The following KMT5B variants were observed in gnomAD, a reference collection of about 807,000 sequenced individuals.
The protein encoded by KMT5B is lysine methyltransferase 5B, also known as histone-lysine N-methyltransferase KMT5B.
A neutral mutation model predicts 83.2 loss-of-function variants in KMT5B; 10 were observed. The observed-to-expected ratio is 0.12, with a 90% CI of 0.07 to 0.20. The LOEUF is 0.20. Among genes scored for constraint, KMT5B ranks in the 10% least tolerant of loss-of-function variants. The pLI, the probability that KMT5B is intolerant of heterozygous loss-of-function variation, is 1.00. For synonymous variants in KMT5B, 349 were observed against 388.8 expected, an observed-to-expected ratio of 0.90 and a Z score of 1.20; for missense variants, 753 against 1,067.2, an observed-to-expected ratio of 0.71 and a Z score of 4.10.
chr11:68,211,738 G>A (rs1164959068), intron 1 of KMT5B, among the ~76,000 whole-genome samples: 1 of 152,222 alleles, frequency 6.6e-6, no homozygotes, highest in Non-Finnish European at 1.5e-5. Flanking sequence ...GAGAAAAGGG[G>A]TGGAGGAATG....
intron 1 of KMT5B, among the ~76,000 whole-genome samples, chr11:68,210,248 G>GT (rs1035880380): frequency 1.3e-5 from 2 of 150,914 alleles, no homozygotes; most frequent in Non-Finnish European, 3.0e-5. Context: ...TCAAGCTTTG[G>GT]GGGGGGGGAC....
chr11:68,211,762 G>A (rs1449963167), intron 1 of KMT5B, among the ~76,000 whole-genome samples: 2 of 152,174 alleles, frequency 1.3e-5, no homozygotes, highest in Non-Finnish European at 2.9e-5. Context: ...GGCAGGGCAC[G>A]GCCGACAGGG....
At chr11:68,179,807 A>G in intron 4 of KMT5B, 1 of 421,796 alleles carries the variant, frequency 2.4e-6, no homozygotes, top group Non-Finnish European at 3.9e-6. Flanking sequence ...GGAGTCGCAG[A>G]TCAGCTCTTC....
intron 1 of KMT5B, among the ~76,000 whole-genome samples, chr11:68,197,194 C>T (rs959108453): frequency 2.0e-5 from 3 of 152,072 alleles, no homozygotes; most frequent in African/African-American, 4.8e-5. Flanking sequence ...AGGATAGTCT[C>T]GATCTCCTGA....
At position 68,157,837 on chromosome 11, in the gene KMT5B, C is replaced by T; in HGVS notation, c.2509G>A (p.Glu837Lys). The change falls in exon 11 of 11, where the codon GAG becomes AAG. Residue 837 changes from glutamate to lysine, a missense_variant. By Grantham distance (56) the Glu-to-Lys change is moderately conservative. Around this residue, in one of 9 missense-constraint regions of KMT5B, gnomAD observed 161 missense variants for 195.1 expected, o/e 0.83. Coordinates refer to ENST00000304363, the MANE Select transcript of KMT5B (RefSeq NM_017635.5). ...AAGTCATCATCATAGTCATCCTCCT[C>T]TTCATCGCCCTCAGAAGAGGAGGAA... ...DDSSSSEGDE[E>K]EDDYDDDFED... 1 of 1,614,098 alleles carries T rather than the reference C, an allele frequency of 6.2e-7. No individual in the cohort carries two copies. The highest frequency in any genetic ancestry group is 8.5e-7 in the Non-Finnish European group (1 of 1,179,978).
At chr11:68,195,433 T>G (rs889829523) in intron 1 of KMT5B, among the ~76,000 whole-genome samples, 1 of 152,168 alleles carries the variant, frequency 6.6e-6, no homozygotes, top group African/African-American at 2.4e-5. Flanking sequence ...CCTAAAAAAG[T>G]TGTTTCTATA....
chr11:68,189,355 G>A (rs1459544081), intron 2 of KMT5B, among the ~76,000 whole-genome samples: 3 of 152,200 alleles, frequency 2.0e-5, no homozygotes, highest in African/African-American at 7.2e-5. Flanking sequence ...CTATCAAGAG[G>A]TATAGAGGAA....
In KMT5B at chr11:68,157,576, T is replaced by G. The variant is rs928236348; in HGVS notation, c.*112A>C. 3.4e-5 allele frequency: 49 copies of G among 1,423,262 alleles called. No homozygotes were observed. Among genetic ancestry groups the G allele is most frequent in the Non-Finnish European group, 4.3e-5 (47 of 1,083,960 alleles). The allele number at this position is 1,423,262 out of a possible 1,614,324, so 88.2% of individuals were successfully genotyped here. A position where few individuals can be genotyped will look rare whatever the true frequency, so the allele number is the denominator to read the frequency against. On this transcript the variant is annotated 3_prime_UTR_variant, in exon 11 of 11. Transcript: ENST00000304363. ...TACACTTTCTACAATAGTATGCTGA[T>G]AAGTGAAGGGACAATAGAAGTGCTG...
At position 68,170,995 on chromosome 11, in the gene KMT5B, C is replaced by T. The variant is rs922408366; in HGVS notation, c.977+20G>A. The stretch of plus-strand genomic sequence containing the variant: ...GTTAACAAAAAATGTTTAGGCTGAA[C>T]ATTTTACTTAATACCTTACCTTTCG... On this transcript the variant is annotated intron_variant, in intron 9 of 10. Transcript: ENST00000304363. 2 of 1,565,726 alleles carry T rather than the reference C, an allele frequency of 1.3e-6. No individual in the cohort carries two copies. The highest frequency in any genetic ancestry group is 1.7e-6 in the Non-Finnish European group (2 of 1,163,836).
intron 10 of KMT5B, chr11:68,164,544 C>T (rs1049468696): frequency 4.4e-5 from 19 of 431,354 alleles, no homozygotes; most frequent in South Asian, 2.9e-4. Context: ...CTTATGTGAA[C>T]ATGACTTAAC....
chr11:68,208,455 A>T (rs1382502823), intron 1 of KMT5B, among the ~76,000 whole-genome samples: 1 of 137,156 alleles, frequency 7.3e-6, no homozygotes, highest in East Asian at 2.0e-4. Flanking sequence ...TCTGTCTCCA[A>T]ACAAACAAAC....
chr11:68,162,209 C>T (rs765175571), intron 10 of KMT5B, among the ~76,000 whole-genome samples: 30 of 152,172 alleles, frequency 2.0e-4, no homozygotes, highest in Non-Finnish European at 2.9e-4. Flanking sequence ...CCCAACAATC[C>T]GTTTACCACC....
chr11:68,161,784 C>T (rs578161920), intron 10 of KMT5B, among the ~76,000 whole-genome samples: 1 of 152,288 alleles, frequency 6.6e-6, no homozygotes, highest in South Asian at 2.1e-4. Context: ...TGTTCTTCTT[C>T]AGGTCTGTGT....
Position 68,171,819 on chromosome 11 carries a change from G to T in KMT5B, c.654-110C>A. The stretch of plus-strand genomic sequence containing the variant: ...TATCAGAAACTGAAAAGGCCTAGCT[G>T]TCTATACTTTAGTTAGCTCACTGGG... On this transcript the variant is annotated intron_variant, in intron 6 of 10. Coordinates refer to ENST00000304363, the MANE Select transcript of KMT5B (RefSeq NM_017635.5). This position sits in a 1 kb window ranked among gnomAD's most constrained non-coding sequence, Gnocchi z 5.1. 2 of 909,286 alleles carry T rather than the reference G, an allele frequency of 2.2e-6. No homozygotes were observed. The highest frequency in any genetic ancestry group is 3.3e-6 in the Non-Finnish European group (2 of 607,664). 56.3% of individuals were successfully genotyped at this position (909,286 alleles called of 1,614,324 possible). A position where few individuals can be genotyped will look rare whatever the true frequency, so the allele number is the denominator to read the frequency against.
At chr11:68,179,863 G>T in intron 4 of KMT5B, 1 of 414,974 alleles carries the variant, frequency 2.4e-6, no homozygotes, top group Non-Finnish European at 4.3e-6. Flanking sequence ...AACATACCTG[G>T]CTGAGTCCTG....
intron 1 of KMT5B, among the ~76,000 whole-genome samples, chr11:68,202,715 AT>A (rs1859607985): frequency 6.6e-6 from 1 of 150,896 alleles, no homozygotes; most frequent in Non-Finnish European, 1.5e-5. Flanking sequence ...TGCCCGGCTA[AT>A]TTTTGTATTT....
At position 68,190,353 on chromosome 11, in the gene KMT5B, A is replaced by T. The variant is rs537845985; in HGVS notation, c.-76-201T>A. On this transcript the variant is annotated intron_variant, in intron 1 of 10. Coordinates refer to ENST00000304363, the MANE Select transcript of KMT5B (RefSeq NM_017635.5). ...ACAGAGCTGGACATACACTTCATAAAATTCGTATTGCCTAGTATTTACTAT... is the reference window on the plus strand; with the variant it reads ...ACAGAGCTGGACATACACTTCATAATATTCGTATTGCCTAGTATTTACTAT... Among the ~76,000 whole-genome samples, 13 of 152,292 alleles carry T rather than the reference A, an allele frequency of 8.5e-5. No homozygotes were observed. The South Asian group carries it at 2.7e-3, about 32-fold the overall frequency.
At chr11:68,174,932 T>G in intron 5 of KMT5B, 86 bp downstream of exon 5, 1 of 1,196,112 alleles carries the variant, frequency 8.4e-7, no homozygotes, top group African/African-American at 1.5e-5. Context: ...AATTTAAAAT[T>G]TCAGTATTAA....
At chr11:68,211,046 C>T (rs1257433863) in intron 1 of KMT5B, among the ~76,000 whole-genome samples, 1 of 152,228 alleles carries the variant, frequency 6.6e-6, no homozygotes, top group African/African-American at 2.4e-5. Context: ...CTTTATCACA[C>T]AACCTGGCCA....
Sources: gnomAD v4.1 joint callset for allele counts (sites outside exome capture counted in the v4.1 genomes callset) on GRCh38, gnomAD v4.1.1 for gene constraint, gnomAD v4.1.1 regional missense constraint, Gnocchi (gnomAD v3.1) non-coding constraint, MANE v1.5 for transcripts, NCBI Gene and HGNC (gene_info 2026-07-23, HGNC 2026-07-21) for gene names.